The following C4orf50 variants were observed in gnomAD, a reference collection of about 807,000 sequenced individuals.
C4orf50 encodes the protein chromosome 4 open reading frame 50, also known as uncharacterized protein C4orf50.
Under a neutral mutation model 77.2 loss-of-function variants are expected in C4orf50, and 80 were observed. The observed-to-expected ratio is 1.04, with a 90% CI of 0.87 to 1.25. C4orf50 has a LOEUF of 1.25. Among genes scored for constraint, C4orf50 ranks in the 50% most tolerant of loss-of-function variants. C4orf50 has a pLI of 0.00. For synonymous variants in C4orf50, 532 were observed against 465.3 expected, an observed-to-expected ratio of 1.14 and a Z score of -1.84; for missense variants, 1,257 against 1,152.9, an observed-to-expected ratio of 1.09 and a Z score of -1.31.
intron 29 of C4orf50, among the ~76,000 whole-genome samples, chr4:5,976,733 T>A (rs946497578): frequency 6.6e-6 from 1 of 152,216 alleles, no homozygotes; most frequent in African/African-American, 2.4e-5. Flanking sequence ...GTAGTGAGGA[T>A]TCAGTGAACC....
chr4:5,945,932 T>C (rs1718462150), intron 7 of C4orf50, among the ~76,000 whole-genome samples: 1 of 152,102 alleles, frequency 6.6e-6, no homozygotes, highest in Non-Finnish European at 1.5e-5. Flanking sequence ...TCCCTCGGCC[T>C]CTGACTTCCA....
At chr4:6,001,501 T>C (rs1721828582) in intron 25 of C4orf50, among the ~76,000 whole-genome samples, 1 of 152,210 alleles carries the variant, frequency 6.6e-6, no homozygotes. Context: ...ATTACCGCTA[T>C]TTCTCATCCA....
chr4:5,971,892 C>T (rs1015130702), intron 31 of C4orf50, among the ~76,000 whole-genome samples: 5 of 152,176 alleles, frequency 3.3e-5, no homozygotes, highest in Admixed American at 3.3e-4. Context: ...AGGAGCAGCC[C>T]TTGGAAGGTG....
chr4:5,960,548 C>T (rs1412171458), intron 33 of C4orf50, among the ~76,000 whole-genome samples: 2 of 152,214 alleles, frequency 1.3e-5, no homozygotes, highest in African/African-American at 4.8e-5. Flanking sequence ...GGCAGGGAAT[C>T]GGCGATCACT....
chr4:5,980,415 G>A lies in C4orf50; in HGVS notation c.3700-77C>T, dbSNP rs140190817. 1.6e-4 allele frequency: 211 copies of A among 1,313,846 alleles called. 1 individual carries two copies. In the South Asian group the frequency reaches 2.0e-3, roughly 13 times the overall value. 81.4% of individuals were successfully genotyped at this position (1,313,846 alleles called of 1,614,324 possible). On this transcript the variant is annotated intron_variant, in intron 28 of 33. Coordinates refer to ENST00000531445, the Ensembl canonical transcript of C4orf50. ...TTGCCTTAGCCAACAAACGGTACCC[G>A]TTTCCCCACTCCGTAGTTTTTTTTT...
chr4:6,006,165 C>T (rs1014593364), intron 25 of C4orf50, among the ~76,000 whole-genome samples: 16 of 152,078 alleles, frequency 1.1e-4, no homozygotes, highest in Admixed American at 2.0e-4. Context: ...CTAAGACCAC[C>T]GATGAAGCCG....
At chr4:5,982,816 GC>G (rs1720665155) in intron 28 of C4orf50, among the ~76,000 whole-genome samples, 1 of 152,044 alleles carries the variant, frequency 6.6e-6, no homozygotes, top group South Asian at 2.1e-4. Flanking sequence ...TGGAGGAGAG[GC>G]CCCCCAGCAG....
At chr4:5,937,531 A>G (rs1159856011) in intron 7 of C4orf50, among the ~76,000 whole-genome samples, 1 of 152,220 alleles carries the variant, frequency 6.6e-6, no homozygotes, top group African/African-American at 2.4e-5. Flanking sequence ...AAGATGACGG[A>G]TAAATATACA....
At chr4:5,917,476 C>T (rs571839593) in intron 7 of C4orf50, among the ~76,000 whole-genome samples, 32 of 139,998 alleles carry the variant, frequency 2.3e-4, no homozygotes, top group African/African-American at 6.3e-4. Context: ...TGCAATGGCA[C>T]GATCTCGGCT....
chr4:5,992,883 G>T lies in C4orf50; in HGVS notation c.1141C>A (p.Arg381=), dbSNP rs113061530. The change falls in exon 27 of 34, where the codon CGG becomes AGG. Residue 381 remains arginine (R), a synonymous_variant. Coordinates refer to ENST00000531445, the Ensembl canonical transcript of C4orf50. The surrounding 1 kb of genome is among the most constrained non-coding windows in gnomAD (Gnocchi z 5.0). ...CCTGGAGCCAAAACAGAAGAGGCCC[G>T]TCCAGGCCTGATGCGGCTCCAGGTG... The T allele has an allele frequency of 5.0e-6, 2 of 399,146 alleles. No homozygotes were observed. The highest frequency in any genetic ancestry group is 7.1e-5 in the East Asian group (2 of 28,062). 24.7% of individuals were successfully genotyped at this position (399,146 alleles called of 1,614,324 possible).
rs549345062 is a variant in C4orf50 at position 5,942,537 on chromosome 4, A to G, written c.*2474+14364T>C. Among the ~76,000 whole-genome samples the G allele has an allele frequency of 1.1e-3, 163 of 152,348 alleles. 1 individual carries two copies. Among genetic ancestry groups the G allele is most frequent in the Non-Finnish European group, 1.8e-3 (120 of 68,042 alleles). ...AGTGGGGATGAGGGAGGGAGGCTTA[A>G]ATAATTTTACTGAAATAATAATAAC... On this transcript the variant is annotated intron_variant, in intron 7 of 7. Coordinates refer to the C4orf50 transcript ENST00000324058.
At position 5,975,495 on chromosome 4, in the gene C4orf50, T is replaced by TTTTTGTTTTG. The variant is rs61144018; in HGVS notation, c.3921+394_3921+403dup. 1.6e-3 allele frequency among the ~76,000 whole-genome samples: 236 copies of TTTTTGTTTTG among 149,772 alleles called. 1 individual carries two copies. Among genetic ancestry groups the TTTTTGTTTTG allele is most frequent in the South Asian group, 6.4e-4 (3 of 4,676 alleles). On this transcript the variant is annotated intron_variant, in intron 30 of 33. Transcript: ENST00000531445. ...GTCTCCTTCATTCTTCTTTGCGGTT[T>TTTTTGTTTTG]TTTTGTTTTGTTTTGTTTTGTTTTG...
At chr4:5,936,754 C>A (rs781210366) in intron 7 of C4orf50, among the ~76,000 whole-genome samples, 1 of 151,650 alleles carries the variant, frequency 6.6e-6, no homozygotes. Context: ...CTGAAAGATA[C>A]AAATTCTCAG....
chr4:6,014,511 A>C (rs1722609531), intron 23 of C4orf50, among the ~76,000 whole-genome samples: 1 of 152,226 alleles, frequency 6.6e-6, no homozygotes, highest in Admixed American at 6.5e-5. Flanking sequence ...TTTTGAGAAG[A>C]AATACTTTTG....
In C4orf50 at chr4:5,973,855, A is replaced by G. The variant is rs1560574652; in HGVS notation, c.3922-14T>C. Reference sequence around the variant, plus strand: ...AGCTATCTTGGCCTGAAAGGGAGGGAGGCCATGGATGCAGAGCTCCCACCA... The same window carrying G: ...AGCTATCTTGGCCTGAAAGGGAGGGGGGCCATGGATGCAGAGCTCCCACCA... On this transcript the variant is annotated splice_polypyrimidine_tract_variant and intron_variant, in intron 30 of 33. Transcript: ENST00000531445. 2.5e-6 allele frequency: 4 copies of G among 1,598,542 alleles called. No homozygotes were observed. The highest frequency in any genetic ancestry group is 3.4e-6 in the Non-Finnish European group (4 of 1,170,546).
rs77187032 is a variant in C4orf50 at position 5,993,301 on chromosome 4, A to G, written c.1094-371T>C. Among the ~76,000 whole-genome samples the G allele has an allele frequency of 1.0e-2, 1,519 of 152,326 alleles. 25 individuals carry two copies. Among genetic ancestry groups the G allele is most frequent in the African/African-American group, 0.035 (1,458 of 41,570 alleles). On this transcript the variant is annotated intron_variant, in intron 26 of 33. Transcript: ENST00000531445. ...CTGGCATGAGGACACATCTGACCTG[A>G]GTCGACATGGCAGCTCTGCTCCCCA...
intron 7 of C4orf50, among the ~76,000 whole-genome samples, chr4:5,922,345 T>C (rs909683513): frequency 6.6e-6 from 1 of 152,214 alleles, no homozygotes; most frequent in African/African-American, 2.4e-5. Context: ...CCGTGTTTCC[T>C]ACACAATGAA....
intron 7 of C4orf50, among the ~76,000 whole-genome samples, chr4:5,943,693 G>A (rs1242053772): frequency 3.3e-5 from 5 of 152,270 alleles, no homozygotes; most frequent in South Asian, 2.1e-4. Flanking sequence ...TGAGTGTCTC[G>A]GCTATGAAGC....
intron 28 of C4orf50, among the ~76,000 whole-genome samples, chr4:5,986,865 A>G (rs979452059): frequency 2.6e-5 from 4 of 152,070 alleles, no homozygotes; most frequent in Non-Finnish European, 5.9e-5. Flanking sequence ...GGCAATTTTG[A>G]GGAATAAATG....
Sources: gnomAD v4.1 joint callset for allele counts (sites outside exome capture counted in the v4.1 genomes callset) on GRCh38, gnomAD v4.1.1 for gene constraint, Gnocchi (gnomAD v3.1) non-coding constraint, MANE v1.5 for transcripts, NCBI Gene and HGNC (gene_info 2026-07-23, HGNC 2026-07-21) for gene names.